The following NID1 variants were observed in gnomAD, a reference collection of about 807,000 sequenced individuals.
The protein encoded by NID1 is nidogen-1.
Under a neutral mutation model 130.6 loss-of-function variants are expected in NID1, and 76 were observed. The ratio of observed to expected loss-of-function variants is 0.58; its 90% CI spans 0.48 to 0.70. The LOEUF is 0.70. Among genes scored for constraint, NID1 ranks in the 30% least tolerant of loss-of-function variants. The pLI, the probability that NID1 is intolerant of heterozygous loss-of-function variation, is 0.00. For synonymous variants in NID1, 665 were observed against 675.1 expected, an observed-to-expected ratio of 0.98 and a Z score of 0.23; for missense variants, 1,517 against 1,664.8, an observed-to-expected ratio of 0.91 and a Z score of 1.54.
intron 7 of NID1, among the ~76,000 whole-genome samples, chr1:236,027,245 GT>G (rs201264892): frequency 1.3e-5 from 2 of 151,830 alleles, no homozygotes; most frequent in South Asian, 4.2e-4. Context: ...TCAACTTCCT[GT>G]TTTTTTAAAA....
At chr1:235,997,789 G>T (rs1044929971) in intron 12 of NID1, among the ~76,000 whole-genome samples, 1 of 151,840 alleles carries the variant, frequency 6.6e-6, no homozygotes. Flanking sequence ...AATTTTTTTG[G>T]TAGAGACGGG....
At chr1:236,055,497 A>T (rs1036265706) in intron 1 of NID1, among the ~76,000 whole-genome samples, 1 of 151,984 alleles carries the variant, frequency 6.6e-6, no homozygotes, top group African/African-American at 2.4e-5. Flanking sequence ...TTTTAAAAAC[A>T]TATAACAGGT....
chr1:236,008,390 A>T (rs1258113401), intron 12 of NID1, among the ~76,000 whole-genome samples: 1 of 152,206 alleles, frequency 6.6e-6, no homozygotes, highest in African/African-American at 2.4e-5. Flanking sequence ...TGTATACAGT[A>T]AGTACCAAAT....
intron 12 of NID1, among the ~76,000 whole-genome samples, chr1:236,009,026 T>C (rs1183325031): frequency 6.6e-6 from 1 of 152,242 alleles, no homozygotes; most frequent in Non-Finnish European, 1.5e-5. Flanking sequence ...TGTGTATTCA[T>C]ATTCCGACTG....
At chr1:236,003,186 C>CCGG (rs1658134631) in intron 12 of NID1, among the ~76,000 whole-genome samples, 1 of 148,806 alleles carries the variant, frequency 6.7e-6, no homozygotes, top group Non-Finnish European at 1.5e-5. Flanking sequence ...TAGTGAACGA[C>CCGG]TGGTAGTTGT....
At position 235,979,991 on chromosome 1, in the gene NID1, G is replaced by T; in HGVS notation, c.3386-46C>A. The T allele has an allele frequency of 6.3e-7, 1 of 1,595,108 alleles. No homozygotes were observed. Among genetic ancestry groups the T allele is most frequent in the Non-Finnish European group, 8.5e-7 (1 of 1,171,214 alleles). On this transcript the variant is annotated intron_variant, in intron 17 of 19. Coordinates refer to ENST00000264187, the MANE Select transcript of NID1 (RefSeq NM_002508.3). The surrounding 1 kb of genome is among the most constrained non-coding windows in gnomAD (Gnocchi z 4.6). Reference sequence around the variant, plus strand: ...TCATTCATTGTTCACACAAGAAATGGCCCCTTTGTGCAAAAAAAACAAGAG... The same window carrying T: ...TCATTCATTGTTCACACAAGAAATGTCCCCTTTGTGCAAAAAAAACAAGAG...
rs188149929 is a variant in NID1, at chr1:235,992,728, G to A, written c.2755+917C>T. Among the ~76,000 whole-genome samples the A allele has an allele frequency of 2.3e-4, 35 of 152,336 alleles. 1 individual carries two copies. In the South Asian group the frequency reaches 2.9e-3, roughly 13 times the overall value. Reference sequence around the variant, plus strand: ...CCCACCACAGCACTGGCCCCTCAGTGAATGTTGGCTGTGTGAACGAGTGAA... The same window carrying A: ...CCCACCACAGCACTGGCCCCTCAGTAAATGTTGGCTGTGTGAACGAGTGAA... On this transcript the variant is annotated intron_variant, in intron 13 of 19. Transcript: ENST00000264187.
intron 12 of NID1, among the ~76,000 whole-genome samples, chr1:236,007,547 A>C (rs1012643746): frequency 6.6e-6 from 1 of 152,206 alleles, no homozygotes; most frequent in Non-Finnish European, 1.5e-5. Flanking sequence ...CGTTTATAAA[A>C]GACTGTGGCT....
rs1306570271 is a variant in NID1 at position 236,029,543 on chromosome 1, G to A, written c.1738+7C>T. 3.9e-6 allele frequency: 6 copies of A among 1,553,464 alleles called. No homozygotes were observed. Among genetic ancestry groups the A allele is most frequent in the Admixed American group, 2.0e-5 (1 of 51,218 alleles). ...GGGGCTGGCCCTGGGACACAGCTGG[G>A]GCTCACCTGAGGTGGAGTAGTGGTA... On this transcript the variant is annotated splice_region_variant and intron_variant, in intron 7 of 19. Transcript: ENST00000264187.
intron 1 of NID1, 63 bp from the exon 2 acceptor site, chr1:236,049,052 G>GAAAGGA: frequency 6.6e-7 from 1 of 1,515,104 alleles, no homozygotes; most frequent in Non-Finnish European, 9.1e-7. Flanking sequence ...GTAAGACTGA[G>GAAAGGA]CACCCACTCC....
chr1:236,036,750 A>G (rs923848074), intron 5 of NID1, among the ~76,000 whole-genome samples: 6 of 152,186 alleles, frequency 3.9e-5, no homozygotes, highest in Admixed American at 6.5e-5. Flanking sequence ...ATGGCTTTAC[A>G]GGAAGAGGAA....
At position 235,987,325 on chromosome 1, in the gene NID1, G is replaced by A. The variant is rs569153714; in HGVS notation, c.2929-1820C>T. Among the ~76,000 whole-genome samples, 11 of 152,306 alleles carry A rather than the reference G, an allele frequency of 7.2e-5. No individual in the cohort carries two copies. In the South Asian group the frequency reaches 1.2e-3, roughly 17 times the overall value. Reference sequence around the variant, plus strand: ...CTCAAAACAAGCCATCTGCCCATAGGTTGATTTGGCAAAGCCTTGTCGAGA... The same window carrying A: ...CTCAAAACAAGCCATCTGCCCATAGATTGATTTGGCAAAGCCTTGTCGAGA... On this transcript the variant is annotated intron_variant, in intron 14 of 19. Coordinates refer to ENST00000264187, the MANE Select transcript of NID1 (RefSeq NM_002508.3).
Position 236,032,592 on chromosome 1 carries a change from A to C in NID1, c.1346T>G (p.Val449Gly). ...KGRIFVGSSQ[V>G]PIVFENTDLH... ...GTCAGTGTTCTCAAAGACAATGGGG[A>C]CCTGGCTGCTCCCCACAAAGATCCT... The change falls in exon 6 of 20, where the codon GTC becomes GGC. Residue 449 changes from valine (V) to glycine (G), a missense_variant. Physicochemically the swap from Val to Gly is moderately radical, Grantham distance 109 (BLOSUM62 -3). This residue lies in a region of NID1 where 1,329 missense variants were observed against 1,429.2 expected (regional missense o/e 0.93). Coordinates refer to ENST00000264187, the MANE Select transcript of NID1 (RefSeq NM_002508.3). 8 of 1,614,122 alleles carry C rather than the reference A, an allele frequency of 5.0e-6. No homozygotes were observed. Among genetic ancestry groups the C allele is most frequent in the Non-Finnish European group, 6.8e-6 (8 of 1,180,028 alleles).
intron 16 of NID1, 40 bp downstream of exon 16, chr1:235,981,571 C>A: frequency 6.3e-7 from 1 of 1,575,328 alleles, no homozygotes; most frequent in Non-Finnish European, 8.6e-7. Context: ...AGGGCAGATG[C>A]AAATCAAAGA....
intron 4 of NID1, among the ~76,000 whole-genome samples, chr1:236,041,563 C>T (rs946566710): frequency 3.3e-5 from 5 of 152,164 alleles, no homozygotes; most frequent in Non-Finnish European, 5.9e-5. Context: ...TGGATGAATA[C>T]ATTTCTGATC....
chr1:236,029,844 C>T (rs1483867518), intron 6 of NID1, 94 bp from the exon 7 acceptor site: 14 of 1,204,832 alleles, frequency 1.2e-5, no homozygotes, highest in African/African-American at 3.0e-5. Flanking sequence ...TTGGTGCGAA[C>T]GCTTCTGCAG....
At chr1:236,038,988 T>C (rs903352426) in intron 4 of NID1, among the ~76,000 whole-genome samples, 12 of 89,772 alleles carry the variant, frequency 1.3e-4, no homozygotes, top group Non-Finnish European at 2.4e-4. Flanking sequence ...AATATGTACA[T>C]ATACATATAT....
intron 14 of NID1, among the ~76,000 whole-genome samples, chr1:235,987,577 G>A (rs1657611567): frequency 6.6e-6 from 1 of 152,192 alleles, no homozygotes; most frequent in Admixed American, 6.5e-5. Context: ...GCCCATGAGA[G>A]GCTCAGGAAG....
intron 3 of NID1, among the ~76,000 whole-genome samples, chr1:236,043,687 G>A (rs970894745): frequency 1.3e-5 from 2 of 151,982 alleles, no homozygotes; most frequent in Non-Finnish European, 2.9e-5. Context: ...AGTCCCAGCT[G>A]CTCGGGACGC....
Sources: gnomAD v4.1 joint callset for allele counts (sites outside exome capture counted in the v4.1 genomes callset) on GRCh38, gnomAD v4.1.1 for gene constraint, gnomAD v4.1.1 regional missense constraint, Gnocchi (gnomAD v3.1) non-coding constraint, MANE v1.5 for transcripts, NCBI Gene and HGNC (gene_info 2026-07-23, HGNC 2026-07-21) for gene names.